MYT1L: variants seen among roughly 807,000 people sequenced by gnomAD.
MYT1L encodes myelin transcription factor 1-like protein.
A neutral mutation model predicts 126.7 loss-of-function variants in MYT1L; 12 were observed. That is an observed-to-expected ratio of 0.09 (90% CI 0.06 to 0.15). MYT1L has a LOEUF of 0.15. Ranked by LOEUF, MYT1L falls within the 10% of genes least tolerant of loss-of-function variation. The pLI, the probability that MYT1L is intolerant of heterozygous loss-of-function variation, is 1.00. For missense variants in MYT1L, 979 were observed against 1,585.2 expected, an observed-to-expected ratio of 0.62 and a Z score of 6.49; for synonymous variants, 541 against 604.2, an observed-to-expected ratio of 0.90 and a Z score of 1.53.
At chr2:1,828,681 G>A (rs1054457424) in intron 21 of MYT1L, 2 of 152,158 alleles carry the variant, frequency 1.3e-5, no homozygotes, top group African/African-American at 4.8e-5. Flanking sequence ...CACATAGTAA[G>A]TACTCAATAT....
chr2:1,966,228 G>A (rs1034352868), intron 8 of MYT1L, among the ~76,000 whole-genome samples: 2 of 152,214 alleles, frequency 1.3e-5, no homozygotes, highest in Non-Finnish European at 2.9e-5. Context: ...CTGAGTGAGC[G>A]AGATCATTCA....
chr2:2,069,823 T>C (rs1350389042), intron 3 of MYT1L, among the ~76,000 whole-genome samples: 2 of 152,122 alleles, frequency 1.3e-5, no homozygotes, highest in East Asian at 3.9e-4. Flanking sequence ...TAATGACCAG[T>C]GATGATGAGC....
intron 18 of MYT1L, among the ~76,000 whole-genome samples, chr2:1,875,925 T>C (rs1340333169): frequency 6.6e-6 from 1 of 152,192 alleles, no homozygotes; most frequent in East Asian, 1.9e-4. Flanking sequence ...CCTATCTCTC[T>C]GTTCATGTGT....
chr2:2,071,912 C>T (rs79106759), intron 3 of MYT1L, among the ~76,000 whole-genome samples: 14,893 of 151,928 alleles, frequency 0.098, 904 homozygotes, highest in African/African-American at 0.16. Flanking sequence ...GAGCTGTGGG[C>T]GAGGAGGGAG....
chr2:2,238,128 T>C (rs980325331), intron 2 of MYT1L, among the ~76,000 whole-genome samples: 6 of 152,194 alleles, frequency 3.9e-5, no homozygotes, highest in Non-Finnish European at 7.3e-5. Flanking sequence ...GCTTAGATTT[T>C]TCTCAGAACC....
At chr2:1,932,737 G>A (rs962838004) in intron 9 of MYT1L, among the ~76,000 whole-genome samples, 1 of 152,182 alleles carries the variant, frequency 6.6e-6, no homozygotes, top group African/African-American at 2.4e-5. Flanking sequence ...CTATGCCAGG[G>A]AGAGTGTTCT....
intron 19 of MYT1L, among the ~76,000 whole-genome samples, chr2:1,849,154 CAAA>C (rs11332745): frequency 9.6e-5 from 14 of 145,434 alleles, no homozygotes; most frequent in African/African-American, 1.8e-4. Context: ...CAACTCCCAC[CAAA>C]AAAAAAAAAA....
chr2:1,991,064 C>G (rs893009720), intron 5 of MYT1L, among the ~76,000 whole-genome samples: 40 of 152,212 alleles, frequency 2.6e-4, no homozygotes, highest in Admixed American at 3.3e-4. Context: ...GCTTGCTGTT[C>G]TCTTTACAAG....
intron 2 of MYT1L, among the ~76,000 whole-genome samples, chr2:2,283,484 A>G (rs1200689167): frequency 6.6e-6 from 1 of 152,168 alleles, no homozygotes; most frequent in Non-Finnish European, 1.5e-5. Flanking sequence ...TAATTTTTGA[A>G]CCATTAAAAA....
intron 21 of MYT1L, among the ~76,000 whole-genome samples, chr2:1,810,495 T>C (rs760377241): frequency 7.9e-5 from 12 of 152,206 alleles, no homozygotes; most frequent in Non-Finnish European, 1.6e-4. Context: ...ATACATAATA[T>C]TGTATTTCAC....
At chr2:1,795,942 C>T (rs539092486) in intron 23 of MYT1L, among the ~76,000 whole-genome samples, 1 of 152,278 alleles carries the variant, frequency 6.6e-6, no homozygotes, top group South Asian at 2.1e-4. Context: ...TCTCTGACCA[C>T]ACCTGGAGTA....
At chr2:2,317,772 A>G (rs573142645) in intron 1 of MYT1L, among the ~76,000 whole-genome samples, 1 of 152,204 alleles carries the variant, frequency 6.6e-6, no homozygotes, top group Non-Finnish European at 1.5e-5. Flanking sequence ...TAACCAAACC[A>G]GGCAGAGTAA....
At chr2:2,006,789 C>A (rs534274430) in intron 4 of MYT1L, among the ~76,000 whole-genome samples, 2 of 151,814 alleles carry the variant, frequency 1.3e-5, no homozygotes, top group Non-Finnish European at 2.9e-5. Flanking sequence ...TTGGCCAGAC[C>A]GGTCTCCAAG....
At chr2:2,189,764 G>A (rs1279482700) in intron 2 of MYT1L, among the ~76,000 whole-genome samples, 2 of 152,110 alleles carry the variant, frequency 1.3e-5, no homozygotes, top group African/African-American at 4.8e-5. Flanking sequence ...ACGGTGAGAA[G>A]CGCATTCTCA....
At chr2:2,190,008 A>G (rs1392981231) in intron 2 of MYT1L, among the ~76,000 whole-genome samples, 1 of 152,210 alleles carries the variant, frequency 6.6e-6, no homozygotes, top group Admixed American at 6.5e-5. Context: ...GCCACTGCAC[A>G]GCTGGTTTTT....
chr2:1,895,705 T>C (rs1573335065), intron 14 of MYT1L, among the ~76,000 whole-genome samples: 1 of 152,238 alleles, frequency 6.6e-6, no homozygotes, highest in Non-Finnish European at 1.5e-5. Context: ...ATTAAAGATG[T>C]AAATGTAAGA....
intron 1 of MYT1L, among the ~76,000 whole-genome samples, chr2:2,321,276 A>G (rs1339472483): frequency 6.6e-6 from 1 of 152,190 alleles, no homozygotes; most frequent in Non-Finnish European, 1.5e-5. Flanking sequence ...CCACCGGCAG[A>G]TGCGGCACTG....
chr2:2,262,620 G>C (rs570729784), intron 2 of MYT1L, among the ~76,000 whole-genome samples: 2 of 147,972 alleles, frequency 1.4e-5, no homozygotes, highest in East Asian at 4.2e-4. Flanking sequence ...ATGAACCCAG[G>C]AGGCAGAGCT....
At chr2:2,233,562 G>C (rs1021363637) in intron 2 of MYT1L, among the ~76,000 whole-genome samples, 1 of 152,186 alleles carries the variant, frequency 6.6e-6, no homozygotes, top group Non-Finnish European at 1.5e-5. Context: ...TGTGTCCCTG[G>C]CACAGAAGGA....
Sources: gnomAD v4.1 joint callset for allele counts (sites outside exome capture counted in the v4.1 genomes callset) on GRCh38, gnomAD v4.1.1 for gene constraint, MANE v1.5 for transcripts, NCBI Gene and HGNC (gene_info 2026-07-23, HGNC 2026-07-21) for gene names.